MLIP: variants seen among roughly 807,000 people sequenced by gnomAD.
MLIP encodes muscular LMNA-interacting protein.
In MLIP, 79 loss-of-function variants were observed where a neutral mutation model predicts 84.8. The observed-to-expected ratio is 0.93, with a 90% CI of 0.78 to 1.12. MLIP has a LOEUF of 1.12. Among genes scored for constraint, MLIP ranks in the 50% most tolerant of loss-of-function variants. The probability of loss-of-function intolerance (pLI) is 0.00; values close to 1 mark genes in which losing one functional copy is unlikely to be tolerated. For missense variants in MLIP, 1,257 were observed against 1,160.6 expected (o/e 1.08, Z -1.21); for synonymous variants, 504 against 463.0 (o/e 1.09, Z -1.14).
chr6:54,159,333 G>A (rs1774371098), intron 5 of MLIP, among the ~76,000 whole-genome samples: 1 of 152,044 alleles, frequency 6.6e-6, no homozygotes, highest in Non-Finnish European at 1.5e-5. Context: ...GAAAATATGT[G>A]CTGAAAATCG....
In MLIP at chr6:54,169,577, G is replaced by T; in HGVS notation, c.2544+5G>T. 1 of 1,583,052 alleles carries T rather than the reference G, an allele frequency of 6.3e-7. No individual in the cohort carries two copies. The highest frequency in any genetic ancestry group is 8.6e-7 in the Non-Finnish European group (1 of 1,162,584). On this transcript the variant is annotated splice_donor_5th_base_variant and intron_variant, in intron 9 of 13. Coordinates refer to ENST00000502396, the MANE Select transcript of MLIP (RefSeq NM_001281747.2). ...GCTGGTCGAGAAACCAAATATGTAA[G>T]TACCTTTATAATTATACACACTGCT...
At chr6:54,096,996 G>A (rs772424318) in intron 1 of MLIP, among the ~76,000 whole-genome samples, 10 of 152,160 alleles carry the variant, frequency 6.6e-5, no homozygotes, top group Non-Finnish European at 1.3e-4. Context: ...AGGAAATGGA[G>A]CAACTGAGCC....
rs1763353463 is a variant in MLIP, at chr6:54,019,047, G to GA, written c.25dup (p.Arg9LysfsTer20). ...TTTCAATATGGAACTTGAAAAGCGT[G>GA]AAAAAAGAAGCTTATTAAACAAGAA... On this transcript the variant is annotated frameshift_variant, in exon 1 of 13. Transcript: ENST00000274897. LOFTEE classifies it high-confidence loss of function. 1 of 1,611,076 alleles carries GA rather than the reference G, an allele frequency of 6.2e-7. No individual in the cohort carries two copies. Among genetic ancestry groups the GA allele is most frequent in the Non-Finnish European group, 8.5e-7 (1 of 1,178,520 alleles).
intron 11 of MLIP, among the ~76,000 whole-genome samples, chr6:54,207,195 G>T (rs1197228924): frequency 6.7e-6 from 1 of 150,030 alleles, no homozygotes; most frequent in African/African-American, 2.5e-5. Flanking sequence ...ATTTTGCTTT[G>T]CTTCCTTCCT....
At chr6:54,078,862 T>G (rs1462461211) in intron 1 of MLIP, among the ~76,000 whole-genome samples, 2 of 151,954 alleles carry the variant, frequency 1.3e-5, no homozygotes, top group Non-Finnish European at 2.9e-5. Flanking sequence ...CAGCTAATTT[T>G]TGCATTTTAG....
At chr6:54,181,827 G>A (rs1479388473) in intron 9 of MLIP, among the ~76,000 whole-genome samples, 1 of 152,176 alleles carries the variant, frequency 6.6e-6, no homozygotes, top group East Asian at 1.9e-4. Context: ...CTGTAATGGG[G>A]GCATCATAGC....
intron 9 of MLIP, among the ~76,000 whole-genome samples, chr6:54,173,238 CAT>C (rs764263635): frequency 4.0e-5 from 6 of 151,686 alleles, no homozygotes; most frequent in Non-Finnish European, 7.4e-5. Flanking sequence ...AGATTTTCTT[CAT>C]GTCAAAGTTT....
chr6:54,111,989 C>T (rs897476052), intron 1 of MLIP, among the ~76,000 whole-genome samples: 5 of 152,096 alleles, frequency 3.3e-5, no homozygotes, highest in Admixed American at 1.3e-4. Context: ...TTAGGCTATC[C>T]GGTGAGAAGA....
intron 12 of MLIP, among the ~76,000 whole-genome samples, chr6:54,236,054 T>C (rs1406085396): frequency 6.6e-6 from 1 of 152,198 alleles, no homozygotes; most frequent in Non-Finnish European, 1.5e-5. Context: ...AACCATTCTC[T>C]TGGATGCCCT....
chr6:54,236,639 T>C (rs1003566600), intron 12 of MLIP, among the ~76,000 whole-genome samples: 2 of 152,114 alleles, frequency 1.3e-5, no homozygotes, highest in African/African-American at 4.8e-5. Context: ...GCATTCTCTC[T>C]GGTATCATGT....
intron 1 of MLIP, among the ~76,000 whole-genome samples, chr6:54,095,497 C>A (rs1430384824): frequency 2.0e-5 from 3 of 152,072 alleles, no homozygotes; most frequent in Non-Finnish European, 4.4e-5. Flanking sequence ...AGAGTTAGGA[C>A]CTCATTCAAT....
chr6:54,084,779 G>A (rs1490601014), intron 1 of MLIP, among the ~76,000 whole-genome samples: 3 of 152,094 alleles, frequency 2.0e-5, no homozygotes, highest in African/African-American at 7.2e-5. Context: ...TATTGTAAAG[G>A]CATTTTAATC....
At chr6:54,087,719 A>G (rs955141192) in intron 1 of MLIP, among the ~76,000 whole-genome samples, 1 of 152,204 alleles carries the variant, frequency 6.6e-6, no homozygotes, top group Non-Finnish European at 1.5e-5. Flanking sequence ...TAAATAAAAT[A>G]AAGTAGATTT....
At chr6:54,160,486 T>C in intron 6 of MLIP, 30 bp from the exon 7 acceptor site, 1 of 1,611,428 alleles carries the variant, frequency 6.2e-7, no homozygotes, top group African/African-American at 1.3e-5. Flanking sequence ...AACTTATTGC[T>C]AACCCAGTAC....
At chr6:54,169,698 G>T (rs751333954) in intron 9 of MLIP, 126 bp downstream of exon 9, 27 of 484,798 alleles carry the variant, frequency 5.6e-5, no homozygotes, top group Non-Finnish European at 8.6e-5. Flanking sequence ...AGGGTAGGAT[G>T]ATATGATTGC....
chr6:54,228,105 C>A (rs1226795586), intron 11 of MLIP, among the ~76,000 whole-genome samples: 23 of 66,952 alleles, frequency 3.4e-4, no homozygotes, highest in Middle Eastern at 9.4e-3. Flanking sequence ...ATGGCATGAA[C>A]CCCGGAGGCG....
At chr6:54,090,607 G>C in intron 1 of MLIP, among the ~76,000 whole-genome samples, 1 of 151,728 alleles carries the variant, frequency 6.6e-6, no homozygotes, top group Non-Finnish European at 1.5e-5. Flanking sequence ...CATAAGCATC[G>C]GTTGTGTGCA....
intron 1 of MLIP, among the ~76,000 whole-genome samples, chr6:54,055,201 TTA>T (rs1408471881): frequency 2.0e-5 from 3 of 152,188 alleles, no homozygotes; most frequent in Non-Finnish European, 4.4e-5. Context: ...ACTATCTTTT[TTA>T]TATGTCTGTT....
intron 12 of MLIP, among the ~76,000 whole-genome samples, chr6:54,245,906 T>C (rs1397873117): frequency 6.6e-6 from 1 of 152,196 alleles, no homozygotes; most frequent in Admixed American, 6.5e-5. Context: ...AATTTTTCTA[T>C]GTTGCTTTAT....
Sources: allele counts gnomAD v4.1 joint callset (sites outside exome capture counted in the v4.1 genomes callset), GRCh38; gene constraint gnomAD v4.1.1; transcripts MANE v1.5; gene names NCBI Gene and HGNC (gene_info 2026-07-23, HGNC 2026-07-21).